The following VWC2L variants were observed in gnomAD, a reference collection of about 807,000 sequenced individuals.
VWC2L encodes von Willebrand factor C domain containing 2 like.
In VWC2L, 10 loss-of-function variants were observed where a neutral mutation model predicts 21.6. The ratio of observed to expected loss-of-function variants is 0.46; its 90% CI spans 0.29 to 0.78. The LOEUF is 0.78. Among genes scored for constraint, VWC2L ranks in the 30% least tolerant of loss-of-function variants. VWC2L has a pLI of 0.10. For missense variants in VWC2L, 209 were observed against 277.1 expected (o/e 0.75, Z 1.74); for synonymous variants, 96 against 94.3 (o/e 1.02, Z -0.10).
chr2:214,499,078 G>T (rs568912976), intron 3 of VWC2L, among the ~76,000 whole-genome samples: 1 of 135,048 alleles, frequency 7.4e-6, no homozygotes, highest in African/African-American at 2.9e-5. Flanking sequence ...GAGTGCAGTG[G>T]CCCAATCTCA....
Position 214,577,390 on chromosome 2 carries a change from A to T in VWC2L, c.*1570A>T, listed in dbSNP as rs7355448. The T allele has an allele frequency of 0.31, 46,567 of 152,068 alleles. 8,514 individuals carry two copies. The highest frequency in any genetic ancestry group is 0.53 in the African/African-American group (21,758 of 41,430). 9.4% of individuals were successfully genotyped at this position (152,068 alleles called of 1,614,324 possible). A position where few individuals can be genotyped will look rare whatever the true frequency, so the allele number is the denominator to read the frequency against. On this transcript the variant is annotated 3_prime_UTR_variant, in exon 4 of 4. Transcript: ENST00000312504. ...TGCTTTTAGGATGTTTAGCACCATC[A>T]CTGGCCTCTATCCACTAGCAACATC... is the stretch of plus-strand genomic sequence containing the variant.
At chr2:214,545,116 A>G (rs1281438226) in intron 3 of VWC2L, among the ~76,000 whole-genome samples, 2 of 152,196 alleles carry the variant, frequency 1.3e-5, no homozygotes, top group African/African-American at 4.8e-5. Flanking sequence ...TACCATGAAA[A>G]GCAATATGAT....
intron 3 of VWC2L, among the ~76,000 whole-genome samples, chr2:214,478,337 G>C (rs1240070148): frequency 6.6e-6 from 1 of 152,120 alleles, no homozygotes; most frequent in East Asian, 1.9e-4. Context: ...AAACTAGCTG[G>C]GCGTGGTGGC....
intron 3 of VWC2L, among the ~76,000 whole-genome samples, chr2:214,563,578 A>AAAAAAAAAAAAAAAAAAAG (rs1229933171): frequency 7.5e-6 from 1 of 133,530 alleles, no homozygotes; most frequent in Admixed American, 7.9e-5. Context: ...AAAAAAAAAA[A>AAAAAAAAAAAAAAAAAAAG]AAATCAAGTG....
chr2:214,487,375 G>C (rs1365471869), intron 3 of VWC2L, among the ~76,000 whole-genome samples: 1 of 152,188 alleles, frequency 6.6e-6, no homozygotes, highest in Non-Finnish European at 1.5e-5. Context: ...GCTCTGGTCA[G>C]TTGCTGGGGC....
At chr2:214,562,261 G>C (rs534906068) in intron 3 of VWC2L, among the ~76,000 whole-genome samples, 11 of 151,974 alleles carry the variant, frequency 7.2e-5, no homozygotes, top group Admixed American at 7.2e-4. Context: ...TTCTGTTCCC[G>C]TGTTAGTTTG....
intron 3 of VWC2L, among the ~76,000 whole-genome samples, chr2:214,541,907 T>C (rs1175503586): frequency 8.6e-6 from 1 of 116,534 alleles, no homozygotes; most frequent in African/African-American, 3.0e-5. Flanking sequence ...TAAACACTGT[T>C]TACTGTTTTT....
chr2:214,521,337 T>A (rs1488122644), intron 3 of VWC2L, among the ~76,000 whole-genome samples: 3 of 152,122 alleles, frequency 2.0e-5, no homozygotes, highest in Non-Finnish European at 4.4e-5. Context: ...CATTTAATCC[T>A]CAAAACACTG....
intron 3 of VWC2L, among the ~76,000 whole-genome samples, chr2:214,515,845 A>G (rs1037593206): frequency 6.6e-6 from 1 of 152,148 alleles, no homozygotes; most frequent in Non-Finnish European, 1.5e-5. Flanking sequence ...CAGCGTGTAC[A>G]GGGATTACAG....
intron 3 of VWC2L, among the ~76,000 whole-genome samples, chr2:214,544,285 G>A (rs1268602779): frequency 1.3e-5 from 2 of 152,160 alleles, no homozygotes; most frequent in African/African-American, 4.8e-5. Flanking sequence ...TGTAATAGAG[G>A]TGTATCCTCA....
intron 3 of VWC2L, among the ~76,000 whole-genome samples, chr2:214,512,735 G>A (rs980312145): frequency 5.3e-5 from 8 of 151,184 alleles, no homozygotes; most frequent in Non-Finnish European, 1.2e-4. Context: ...AAAAGTAACA[G>A]TTTCCCCATA....
intron 3 of VWC2L, among the ~76,000 whole-genome samples, chr2:214,450,503 A>C (rs1269005992): frequency 6.6e-6 from 1 of 152,214 alleles, no homozygotes; most frequent in Non-Finnish European, 1.5e-5. Flanking sequence ...GAGTTGAAAC[A>C]TCAGGTATTA....
chr2:214,476,871 T>G (rs1312378037), intron 3 of VWC2L, among the ~76,000 whole-genome samples: 1 of 152,160 alleles, frequency 6.6e-6, no homozygotes, highest in Non-Finnish European at 1.5e-5. Flanking sequence ...AAGCTGAACT[T>G]CAAACATTTA....
At chr2:214,565,792 T>C (rs1274171695) in intron 3 of VWC2L, among the ~76,000 whole-genome samples, 1 of 152,188 alleles carries the variant, frequency 6.6e-6, no homozygotes, top group Non-Finnish European at 1.5e-5. Flanking sequence ...GCTTTGCATA[T>C]GTGAATTCAT....
At chr2:214,552,079 T>C (rs1378753211) in intron 3 of VWC2L, among the ~76,000 whole-genome samples, 2 of 152,244 alleles carry the variant, frequency 1.3e-5, no homozygotes, top group African/African-American at 2.4e-5. Flanking sequence ...TAACAAGCTC[T>C]CTTGGAAGGC....
chr2:214,530,527 A>C (rs994600272), intron 3 of VWC2L, among the ~76,000 whole-genome samples: 3 of 152,164 alleles, frequency 2.0e-5, no homozygotes, highest in African/African-American at 7.2e-5. Flanking sequence ...AAAGCTGAAA[A>C]GATAGGCAGA....
At chr2:214,478,370 T>G (rs1457737846) in intron 3 of VWC2L, among the ~76,000 whole-genome samples, 1 of 151,556 alleles carries the variant, frequency 6.6e-6, no homozygotes, top group East Asian at 1.9e-4. Context: ...TCCCAGCTAC[T>G]CAGGAGGCTG....
At chr2:214,573,313 A>G (rs564986892) in intron 3 of VWC2L, among the ~76,000 whole-genome samples, 3 of 152,222 alleles carry the variant, frequency 2.0e-5, no homozygotes, top group East Asian at 3.9e-4. Context: ...GAATATCCAA[A>G]TCTTCTCAAG....
intron 2 of VWC2L, among the ~76,000 whole-genome samples, chr2:214,425,808 A>G (rs958349964): frequency 6.6e-6 from 1 of 152,162 alleles, no homozygotes; most frequent in Non-Finnish European, 1.5e-5. Context: ...CGCCTAGTCT[A>G]TCTAAAGGAA....
Sources: gnomAD v4.1 joint callset for allele counts (sites outside exome capture counted in the v4.1 genomes callset) on GRCh38, gnomAD v4.1.1 for gene constraint, MANE v1.5 for transcripts, NCBI Gene and HGNC (gene_info 2026-07-23, HGNC 2026-07-21) for gene names.